Variants in TRPC5 observed in about 807,000 individuals in gnomAD.
The protein encoded by TRPC5 is short transient receptor potential channel 5.
Under a neutral mutation model 56.5 loss-of-function variants are expected in TRPC5, and 9 were observed. The ratio of observed to expected loss-of-function variants is 0.16; its 90% confidence interval spans 0.10 to 0.28. The LOEUF is 0.28. Among genes scored for constraint, TRPC5 ranks in the 10% least tolerant of loss-of-function variants. TRPC5 has a pLI of 1.00. For synonymous variants in TRPC5, 282 were observed against 278.5 expected (o/e 1.01, Z -0.13); for missense variants, 469 against 748.9 (o/e 0.63, Z 4.36).
intron 7 of TRPC5, among the ~76,000 whole-genome samples, chrX:111,817,303 CA>C (rs1230166242): frequency 9.2e-6 from 1 of 108,270 alleles, no homozygotes; most frequent in Non-Finnish European, 1.9e-5. Flanking sequence ...CTAGCACATT[CA>C]CATACTTTCT....
At chrX:111,979,580 A>C (rs1338952860) in intron 1 of TRPC5, among the ~76,000 whole-genome samples, 4 of 111,623 alleles carry the variant, frequency 3.6e-5, no homozygotes, top group Non-Finnish European at 5.7e-5. Flanking sequence ...AATCTGATAA[A>C]GGACTCATTC....
intron 9 of TRPC5, among the ~76,000 whole-genome samples, chrX:111,780,262 A>T (rs1240349535): frequency 9.1e-5 from 10 of 110,022 alleles, no homozygotes; most frequent in Non-Finnish European, 1.7e-4. Context: ...TGGTGGGAAG[A>T]GTGTCCTAAT....
At chrX:112,025,927 C>T (rs747346894) in intron 1 of TRPC5, among the ~76,000 whole-genome samples, 1 of 111,968 alleles carries the variant, frequency 8.9e-6, no homozygotes, top group East Asian at 2.8e-4. Context: ...GAGTAATAAA[C>T]TTCTTTCATT....
intron 2 of TRPC5, among the ~76,000 whole-genome samples, chrX:111,933,949 C>G (rs139909822): frequency 0.026 from 2,873 of 110,983 alleles, 105 homozygotes; most frequent in African/African-American, 0.089. Flanking sequence ...TGTGATCTTT[C>G]AATACATGTA....
At chrX:112,028,590 A>G (rs1454292814) in intron 1 of TRPC5, among the ~76,000 whole-genome samples, 1 of 111,808 alleles carries the variant, frequency 8.9e-6, no homozygotes, top group Non-Finnish European at 1.9e-5. Flanking sequence ...CCATGTCCGT[A>G]CAAAGGACAT....
At chrX:111,971,185 T>C (rs1044184123) in intron 1 of TRPC5, among the ~76,000 whole-genome samples, 2 of 111,398 alleles carry the variant, frequency 1.8e-5, no homozygotes, top group Non-Finnish European at 3.8e-5. Context: ...ATTAACACGA[T>C]AAAAGTTTGC....
At chrX:111,809,546 G>A (rs755944936) in intron 7 of TRPC5, among the ~76,000 whole-genome samples, 2 of 112,142 alleles carry the variant, frequency 1.8e-5, no homozygotes, top group South Asian at 7.5e-4. Flanking sequence ...GTGCAGGAAG[G>A]ATGGTGTCGG....
intron 3 of TRPC5, among the ~76,000 whole-genome samples, chrX:111,894,917 G>A (rs191481909): frequency 5.4e-5 from 6 of 110,435 alleles, no homozygotes; most frequent in Admixed American, 1.9e-4. Context: ...CTTTGTTCCC[G>A]TAGATTTGTG....
intron 3 of TRPC5, among the ~76,000 whole-genome samples, chrX:111,862,373 G>A (rs1338055745): frequency 9.0e-6 from 1 of 111,316 alleles, no homozygotes; most frequent in Non-Finnish European, 1.9e-5. Context: ...ACAGACTCTT[G>A]GGTTTTGTTA....
At chrX:112,071,445 A>G (rs1930717910) in intron 1 of TRPC5, among the ~76,000 whole-genome samples, 1 of 112,122 alleles carries the variant, frequency 8.9e-6, no homozygotes, top group Non-Finnish European at 1.9e-5. Context: ...TTGTGTAGTC[A>G]GTGGTAGAGT....
chrX:112,067,263 C>A (rs1930606746), intron 1 of TRPC5, among the ~76,000 whole-genome samples: 1 of 112,603 alleles, frequency 8.9e-6, no homozygotes, highest in African/African-American at 3.2e-5. Flanking sequence ...AGCTGGAGTC[C>A]TTGGCCCCAG....
intron 1 of TRPC5, among the ~76,000 whole-genome samples, chrX:112,019,243 G>A (rs191366314): frequency 1.2e-3 from 129 of 111,827 alleles, no homozygotes; most frequent in Non-Finnish European, 2.0e-3. Context: ...TCTGACAAGG[G>A]CCTCCATCAT....
rs181814698 is a variant in TRPC5 at position 111,992,747 on chromosome X, C to A, written c.-21-40306G>T. ...CCTCGTGAGTAGCTGGGATTACAGG[C>A]ACCTGCCACCACACTAAGCTGATTT... On this transcript the variant is annotated intron_variant, in intron 1 of 10. Transcript: ENST00000262839. 7.4e-3 allele frequency among the ~76,000 whole-genome samples: 806 copies of A among 109,216 alleles called. 11 individuals are homozygous for A. The highest frequency in any genetic ancestry group is 0.026 in the African/African-American group (766 of 30,013). 94.8% of individuals were successfully genotyped at this position (109,216 alleles called of 115,157 possible).
At chrX:112,076,630 A>G (rs1225215175) in intron 1 of TRPC5, among the ~76,000 whole-genome samples, 1 of 111,843 alleles carries the variant, frequency 8.9e-6, no homozygotes, top group Non-Finnish European at 1.9e-5. Context: ...CCATCAAATG[A>G]TGCGTCCGTG....
intron 7 of TRPC5, among the ~76,000 whole-genome samples, chrX:111,825,431 T>A (rs188973095): frequency 2.4e-4 from 26 of 108,330 alleles, no homozygotes; most frequent in African/African-American, 8.1e-4. Flanking sequence ...TTTGTATTTT[T>A]TGTAGAGACG....
chrX:112,036,815 A>G (rs1057426110), intron 1 of TRPC5, among the ~76,000 whole-genome samples: 2 of 111,357 alleles, frequency 1.8e-5, no homozygotes, highest in Non-Finnish European at 3.8e-5. Context: ...GCTTGAGAAG[A>G]CTATCACTTC....
Position 111,995,744 on chromosome X carries a change from T to C in TRPC5, c.-21-43303A>G, listed in dbSNP as rs562899651. ...TCCATTTCTTCTAGATTTTCTAGTT[T>C]ATTTGCATAGAGGTATTTTATATAT... On this transcript the variant is annotated intron_variant, in intron 1 of 10. Coordinates refer to ENST00000262839, the MANE Select transcript of TRPC5 (RefSeq NM_012471.3). 2.7e-5 allele frequency among the ~76,000 whole-genome samples: 3 copies of C among 112,014 alleles called. No individual in the cohort carries two copies. The Admixed American group carries it at 2.8e-4, about 11-fold the overall frequency.
intron 1 of TRPC5, among the ~76,000 whole-genome samples, chrX:111,968,525 C>T (rs1171151731): frequency 1.8e-5 from 2 of 110,396 alleles, no homozygotes; most frequent in Non-Finnish European, 3.8e-5. Flanking sequence ...CACATGCATA[C>T]GTATGTTTAT....
At chrX:111,799,025 G>C (rs1463863616) in intron 7 of TRPC5, among the ~76,000 whole-genome samples, 1 of 111,630 alleles carries the variant, frequency 9.0e-6, no homozygotes, top group East Asian at 2.8e-4. Flanking sequence ...GAAGAGAAAG[G>C]ATATCTGCCT....
Sources: allele counts gnomAD v4.1 joint callset (sites outside exome capture counted in the v4.1 genomes callset), GRCh38; gene constraint gnomAD v4.1.1; transcripts MANE v1.5; gene names NCBI Gene and HGNC (gene_info 2026-07-23, HGNC 2026-07-21).